ARL2BP: variants seen among roughly 807,000 people sequenced by gnomAD.
ARL2BP encodes the protein ARF like GTPase 2 binding protein, also known as ADP-ribosylation factor-like protein 2-binding protein.
A neutral mutation model predicts 24.2 loss-of-function variants in ARL2BP; 19 were observed. The observed-to-expected ratio is 0.79, with a 90% CI of 0.55 to 1.15. ARL2BP has a LOEUF of 1.15. Among genes scored for constraint, ARL2BP ranks in the 50% most tolerant of loss-of-function variants. The probability of loss-of-function intolerance (pLI) is 0.00; values close to 1 mark genes in which losing one functional copy is unlikely to be tolerated. For missense variants in ARL2BP, 160 were observed against 190.4 expected (o/e 0.84, Z 0.94); for synonymous variants, 56 against 70.5 (o/e 0.79, Z 1.03).
At chr16:57,250,772 CTTTTA>C (rs1457075872) in intron 5 of ARL2BP, 2 of 436,270 alleles carry the variant, frequency 4.6e-6, no homozygotes, top group Non-Finnish European at 8.1e-6. Context: ...CCTTGCCTTT[CTTTTA>C]TTTATTTTTT....
At chr16:57,250,198 G>C (rs1597953593) in intron 4 of ARL2BP, 1 of 603,194 alleles carries the variant, frequency 1.7e-6, no homozygotes, top group Non-Finnish European at 2.9e-6. Flanking sequence ...GCTGAGGCTG[G>C]AGAATCCCTT....
At chr16:57,249,448 C>T (rs1402482556) in intron 3 of ARL2BP, 10 of 320,336 alleles carry the variant, frequency 3.1e-5, no homozygotes, top group South Asian at 2.1e-4. Flanking sequence ...TGCCCTCTAC[C>T]CAGGAGGCAA....
chr16:57,250,323 G>A, intron 4 of ARL2BP, 88 bp from the exon 5 acceptor site: 1 of 1,159,954 alleles, frequency 8.6e-7, no homozygotes. Context: ...GCGGGGGGTG[G>A]GGCTGGGGTG....
At position 57,252,728 on chromosome 16, in the gene ARL2BP, C is replaced by T. The variant is rs1040669576; in HGVS notation, c.*461C>T. 12 of 189,928 alleles carry T rather than the reference C, an allele frequency of 6.3e-5. No homozygotes were observed. Among genetic ancestry groups the T allele is most frequent in the African/African-American group, 2.6e-4 (11 of 42,530 alleles). The allele number at this position is 189,928 out of a possible 1,614,324, so 11.8% of individuals were successfully genotyped here. Reference sequence around the variant, plus strand: ...CCTCAGTGGGGTTCCTGATGTTTATCTAGGGTGTTACTCAAGCCCAGTTTG... The same window carrying T: ...CCTCAGTGGGGTTCCTGATGTTTATTTAGGGTGTTACTCAAGCCCAGTTTG... On this transcript the variant is annotated 3_prime_UTR_variant, in exon 6 of 6. Transcript: ENST00000219204.
At chr16:57,245,793 C>T (rs1597951471) in intron 1 of ARL2BP, 1 of 486,674 alleles carries the variant, frequency 2.1e-6, no homozygotes, top group East Asian at 3.6e-5. Context: ...GTGCCGGGTT[C>T]ATGCTCACAA....
chr16:57,248,311 C>CAAAAAAAAAA (rs1161528446), intron 2 of ARL2BP: 2 of 49,252 alleles, frequency 4.1e-5, no homozygotes, highest in African/African-American at 8.5e-5. Flanking sequence ...AACTCCAGCT[C>CAAAAAAAAAA]AAAAAAAAAA....
At chr16:57,249,681 G>C in intron 3 of ARL2BP, 86 bp from the exon 4 acceptor site, 1 of 1,094,526 alleles carries the variant, frequency 9.1e-7, no homozygotes, top group Non-Finnish European at 1.4e-6. Flanking sequence ...CTCAGGAAAT[G>C]TTTAGAAAGG....
intron 2 of ARL2BP, chr16:57,247,562 T>G (rs1182768419): frequency 6.6e-6 from 1 of 152,190 alleles, no homozygotes; most frequent in Non-Finnish European, 1.5e-5. Context: ...ATTTATTAAG[T>G]GTTCACTATG....
chr16:57,250,266 G>A (rs1464345475), intron 4 of ARL2BP, 145 bp from the exon 5 acceptor site: 3 of 683,292 alleles, frequency 4.4e-6, no homozygotes, highest in Non-Finnish European at 7.6e-6. Context: ...CTCCTGCCTG[G>A]GTGACAGAGC....
At chr16:57,248,409 C>A in intron 2 of ARL2BP, 128 bp from the exon 3 acceptor site, 12 of 359,228 alleles carry the variant, frequency 3.3e-5, no homozygotes, top group East Asian at 4.6e-5. Flanking sequence ...CCCCTTAAAA[C>A]ATCAGCTTTC....
At chr16:57,248,836 G>A (rs1567525959) in intron 3 of ARL2BP, among the ~76,000 whole-genome samples, 193 bp downstream of exon 3, 1 of 152,128 alleles carries the variant, frequency 6.6e-6, no homozygotes, top group Non-Finnish European at 1.5e-5. Flanking sequence ...AGGCTTTCAG[G>A]CAAATATTTG....
chr16:57,251,315 C>G (rs532916853), intron 5 of ARL2BP: 1 of 151,444 alleles, frequency 6.6e-6, no homozygotes, highest in Non-Finnish European at 1.5e-5. Context: ...GTGGGAGGAC[C>G]GCTTGAGCCC....
At chr16:57,251,632 A>G (rs558288171) in intron 5 of ARL2BP, 1 of 151,490 alleles carries the variant, frequency 6.6e-6, no homozygotes, top group East Asian at 2.0e-4. Flanking sequence ...TTTTCCAGTG[A>G]AGGGAGGTAC....
chr16:57,252,034 A>G (rs1056100158), intron 5 of ARL2BP, 132 bp from the exon 6 acceptor site: 6 of 685,286 alleles, frequency 8.8e-6, no homozygotes, highest in Admixed American at 5.6e-5. Context: ...AGAATAACCA[A>G]TAACCTGTGT....
Position 57,252,373 on chromosome 16 carries a change from ACT to A in ARL2BP, c.*109_*110del. On this transcript the variant is annotated 3_prime_UTR_variant, in exon 6 of 6. Coordinates refer to ENST00000219204, the MANE Select transcript of ARL2BP (RefSeq NM_012106.4). ...TTGGAAAGACTGACTCTGTTATGTA[ACT>A]CTTCATTTATGTTAAGTATTAATAG... 1 of 1,589,232 alleles carries A rather than the reference ACT, an allele frequency of 6.3e-7. No individual in the cohort carries two copies. The highest frequency in any genetic ancestry group is 8.6e-7 in the Non-Finnish European group (1 of 1,169,204).
rs113223384 is a variant in ARL2BP, at chr16:57,252,231, T to A, written c.456T>A (p.Ser152=). The A allele has an allele frequency of 1.9e-6, 3 of 1,614,038 alleles. No homozygotes were observed. Among genetic ancestry groups the A allele is most frequent in the African/African-American group, 2.7e-5 (2 of 74,934 alleles). Reference sequence around the variant, plus strand: ...TGGTGACTTCATTGTGCAAATCATCTTCTCTGCCAGCTTCCCAGAACAATC... The same window carrying A: ...TGGTGACTTCATTGTGCAAATCATCATCTCTGCCAGCTTCCCAGAACAATC... ...GLVVTSLCKS[S]SLPASQNNLR... The change falls in exon 6 of 6, where the codon TCT becomes TCA. Residue 152 remains serine, a synonymous_variant. Coordinates refer to ENST00000219204, the MANE Select transcript of ARL2BP (RefSeq NM_012106.4).
At chr16:57,246,027 CAT>C in intron 1 of ARL2BP, 51 bp from the exon 2 acceptor site, 1 of 1,582,342 alleles carries the variant, frequency 6.3e-7, no homozygotes, top group Non-Finnish European at 8.7e-7. Flanking sequence ...ATACTAAAAA[CAT>C]TTTTTTAATG....
intron 2 of ARL2BP, chr16:57,246,373 C>A: frequency 1.9e-6 from 1 of 517,996 alleles, no homozygotes; most frequent in South Asian, 2.6e-5. Flanking sequence ...GGGACTGACT[C>A]AGGCTAATAG....
At chr16:57,249,882 T>G (rs1199854585) in intron 4 of ARL2BP, 30 bp downstream of exon 4, 3 of 1,602,498 alleles carry the variant, frequency 1.9e-6, no homozygotes, top group Non-Finnish European at 1.7e-6. Flanking sequence ...TTTTTGTGTT[T>G]TGTTTTGTTT....
Sources: allele counts gnomAD v4.1 joint callset (sites outside exome capture counted in the v4.1 genomes callset), GRCh38; gene constraint gnomAD v4.1.1; transcripts MANE v1.5; gene names NCBI Gene and HGNC (gene_info 2026-07-23, HGNC 2026-07-21).